TMEM131: variants seen among roughly 807,000 people sequenced by gnomAD.
TMEM131 encodes the protein transmembrane protein 131.
TMEM131 carries 66 observed loss-of-function variants against 211.6 expected under a neutral mutation model. The ratio of observed to expected loss-of-function variants is 0.31; its 90% CI spans 0.26 to 0.38. The LOEUF is 0.38. Among genes scored for constraint, TMEM131 ranks in the 10% least tolerant of loss-of-function variants. The pLI is 1.00. For missense variants in TMEM131, 2,036 were observed against 2,299.3 expected (o/e 0.89, Z 2.34); for synonymous variants, 844 against 841.3 (o/e 1.00, Z -0.06).
chr2:97,798,354 C>T (rs1195173892), intron 25 of TMEM131, among the ~76,000 whole-genome samples: 2 of 152,198 alleles, frequency 1.3e-5, no homozygotes, highest in African/African-American at 4.8e-5. Flanking sequence ...AAACATCCAC[C>T]AGTTCTTCAT....
intron 6 of TMEM131, 122 bp from the exon 7 acceptor site, chr2:97,842,059 T>G: frequency 1.0e-6 from 1 of 1,002,696 alleles, no homozygotes; most frequent in Non-Finnish European, 1.3e-6. Flanking sequence ...TAACAATCCC[T>G]TTATTTAAAA....
chr2:97,768,967 C>T (rs1326913582), intron 33 of TMEM131, among the ~76,000 whole-genome samples: 1 of 150,186 alleles, frequency 6.7e-6, no homozygotes, highest in African/African-American at 2.4e-5. Flanking sequence ...TATTTATTTA[C>T]TGACAGGGTC....
intron 11 of TMEM131, among the ~76,000 whole-genome samples, chr2:97,831,664 C>CTTTTTTTTTTTT (rs11378393): frequency 9.9e-5 from 8 of 80,630 alleles, no homozygotes; most frequent in African/African-American, 1.5e-4. Context: ...TCACATACCT[C>CTTTTTTTTTTTT]TTTTTTTTTT....
At chr2:97,904,923 A>G (rs955385323) in intron 3 of TMEM131, among the ~76,000 whole-genome samples, 7 of 152,072 alleles carry the variant, frequency 4.6e-5, no homozygotes, top group Admixed American at 3.9e-4. Flanking sequence ...TCTTCCATGC[A>G]ACCCTCCTGT....
intron 2 of TMEM131, among the ~76,000 whole-genome samples, chr2:97,921,138 G>A (rs1676724433): frequency 6.6e-6 from 1 of 152,150 alleles, no homozygotes; most frequent in South Asian, 2.1e-4. Context: ...TCATTAAAAC[G>A]GTGACCCTGG....
At chr2:97,919,179 A>G (rs905657588) in intron 2 of TMEM131, among the ~76,000 whole-genome samples, 1 of 152,252 alleles carries the variant, frequency 6.6e-6, no homozygotes, top group African/African-American at 2.4e-5. Flanking sequence ...TGCATTAGTC[A>G]AAACATTATT....
intron 1 of TMEM131, among the ~76,000 whole-genome samples, chr2:97,957,026 G>A (rs1678599651): frequency 1.3e-5 from 2 of 152,048 alleles, no homozygotes; most frequent in Middle Eastern, 3.4e-3. Flanking sequence ...GAACCCGGGA[G>A]GCGGAGGTTG....
intron 1 of TMEM131, among the ~76,000 whole-genome samples, chr2:97,960,031 A>C (rs958721718): frequency 6.6e-6 from 1 of 152,214 alleles, no homozygotes; most frequent in Non-Finnish European, 1.5e-5. Flanking sequence ...AATGACATGC[A>C]ACCCTAACAA....
chr2:97,765,967 G>T, intron 35 of TMEM131, 147 bp downstream of exon 35: 1 of 966,562 alleles, frequency 1.0e-6, no homozygotes, highest in Non-Finnish European at 1.5e-6. Context: ...TTTAGCCACT[G>T]ATTAGGCTAG....
At chr2:97,914,443 C>G (rs1473439740) in intron 2 of TMEM131, among the ~76,000 whole-genome samples, 1 of 152,178 alleles carries the variant, frequency 6.6e-6, no homozygotes, top group Admixed American at 6.5e-5. Flanking sequence ...ATTTTCTCTG[C>G]TGTGTAGGTT....
intron 1 of TMEM131, among the ~76,000 whole-genome samples, chr2:97,990,848 C>T (rs1433147939): frequency 6.6e-6 from 1 of 152,070 alleles, no homozygotes; most frequent in Non-Finnish European, 1.5e-5. Context: ...ACCTACGTCA[C>T]AAATACAGCT....
intron 33 of TMEM131, among the ~76,000 whole-genome samples, chr2:97,768,323 A>C (rs934406691): frequency 1.3e-5 from 2 of 152,186 alleles, no homozygotes; most frequent in South Asian, 4.1e-4. Flanking sequence ...CATCTTCTAA[A>C]AAAACCCCAA....
At chr2:97,785,399 C>T (rs566076163) in intron 31 of TMEM131, among the ~76,000 whole-genome samples, 1 of 152,146 alleles carries the variant, frequency 6.6e-6, no homozygotes, top group African/African-American at 2.4e-5. Context: ...ATACAGATGT[C>T]AAATAAGCAC....
In TMEM131 at chr2:97,762,409, G is replaced by A. The variant is rs556487740; in HGVS notation, c.4724-209C>T. The A allele has an allele frequency of 1.9e-4, 93 of 500,022 alleles. No homozygotes were observed. The East Asian group carries it at 2.9e-3, about 15-fold the overall frequency. The allele number at this position is 500,022 out of a possible 1,614,324, so 31.0% of individuals were successfully genotyped here. A position where few individuals can be genotyped will look rare whatever the true frequency, so the allele number is the denominator to read the frequency against. ...TCGGGGATTTGAGGGGAGCAAGAGC[G>A]TGCCCGGTCCCTGCTGTGTTGTGTG... On this transcript the variant is annotated intron_variant, in intron 35 of 40. Coordinates refer to ENST00000186436, the MANE Select transcript of TMEM131 (RefSeq NM_015348.2).
intron 1 of TMEM131, among the ~76,000 whole-genome samples, chr2:97,944,079 T>A (rs1677922949): frequency 6.6e-6 from 1 of 152,084 alleles, no homozygotes; most frequent in South Asian, 2.1e-4. Context: ...AGACTCAGAC[T>A]AAAAATAAAA....
chr2:97,967,463 A>G (rs1679108122), intron 1 of TMEM131, among the ~76,000 whole-genome samples: 1 of 152,222 alleles, frequency 6.6e-6, no homozygotes, highest in African/African-American at 2.4e-5. Context: ...ACAAAATGAA[A>G]TGTTTATTTA....
chr2:97,893,177 T>C (rs1479519701), intron 3 of TMEM131, among the ~76,000 whole-genome samples: 2 of 152,210 alleles, frequency 1.3e-5, no homozygotes, highest in Non-Finnish European at 2.9e-5. Flanking sequence ...TTGCTGAGAA[T>C]GATGGTTTCC....
chr2:97,941,015 A>G (rs1465993243), intron 1 of TMEM131, among the ~76,000 whole-genome samples: 1 of 152,324 alleles, frequency 6.6e-6, no homozygotes, highest in Non-Finnish European at 1.5e-5. Context: ...CACATTGCCA[A>G]GACAATCCTA....
In TMEM131 at chr2:97,848,244, A is replaced by G. The variant is rs561205902; in HGVS notation, c.484-3983T>C. Among the ~76,000 whole-genome samples, 74 of 152,352 alleles carry G rather than the reference A, an allele frequency of 4.9e-4. 2 individuals carry two copies. The South Asian group carries it at 0.015, about 30-fold the overall frequency. On this transcript the variant is annotated intron_variant, in intron 5 of 40. Coordinates refer to ENST00000186436, the MANE Select transcript of TMEM131 (RefSeq NM_015348.2). ...CAACCAACAGTCCAGGAACCAATGA[A>G]TATCCACACACAAAACAAAACAATC...
Sources: allele counts gnomAD v4.1 joint callset (sites outside exome capture counted in the v4.1 genomes callset), GRCh38; gene constraint gnomAD v4.1.1; transcripts MANE v1.5; gene names NCBI Gene and HGNC (gene_info 2026-07-23, HGNC 2026-07-21).